Variants in CCND2 observed in about 807,000 individuals in gnomAD.
The protein encoded by CCND2 is cyclin D2, also known as G1/S-specific cyclin-D2.
In CCND2, 6 loss-of-function variants were observed where a neutral mutation model predicts 30.2. The observed-to-expected ratio is 0.20, with a 90% CI of 0.11 to 0.39. CCND2 has a LOEUF of 0.39. Among genes scored for constraint, CCND2 ranks in the 10% least tolerant of loss-of-function variants. The probability of loss-of-function intolerance (pLI) is 1.00; values close to 1 mark genes in which losing one functional copy is unlikely to be tolerated. For missense variants in CCND2, 235 were observed against 373.4 expected (o/e 0.63, Z 3.06); for synonymous variants, 150 against 153.1 (o/e 0.98, Z 0.15).
intron 4 of CCND2, among the ~76,000 whole-genome samples, chr12:4,296,865 C>T (rs10744639): frequency 0.99 from 150,771 of 152,344 alleles, 74,630 homozygotes; most frequent in Middle Eastern, 1. Flanking sequence ...TCAATTTAGA[C>T]TGTTAGGTCC....
chr12:4,294,087 G>C (rs529428250), intron 4 of CCND2, among the ~76,000 whole-genome samples: 8 of 152,206 alleles, frequency 5.3e-5, no homozygotes, highest in Admixed American at 2.0e-4. Context: ...TGCAGTGCGT[G>C]TGTGGTGACA....
rs1262048964 is a variant in CCND2 at position 4,278,828 on chromosome 12, T to G, written c.480T>G (p.Ile160Met). The change falls in exon 3 of 5, where the codon ATT (isoleucine) becomes ATG (methionine). Residue 160 changes from isoleucine (I) to methionine (M), a missense_variant. Ile to Met is a conservative substitution (Grantham distance 10). This residue lies in a region of CCND2 where 178 missense variants were observed against 322.8 expected (regional missense o/e 0.55). Transcript: ENST00000261254. ...CAGCTGTCACTCCTCATGACTTCAT[T>G]GAGCACATCTTGCGCAAGCTGCCCC... ...NLAAVTPHDF[I>M]EHILRKLPQQ... 1 of 1,614,242 alleles carries G rather than the reference T, an allele frequency of 6.2e-7. No homozygotes were observed. The highest frequency in any genetic ancestry group is 8.5e-7 in the Non-Finnish European group (1 of 1,180,042).
rs373099767 is a variant in CCND2 at position 4,288,988 on chromosome 12, G to A, written c.718G>A (p.Val240Met). 1.4e-5 allele frequency: 22 copies of A among 1,609,010 alleles called. No homozygotes were observed. Among genetic ancestry groups the A allele is most frequent in the East Asian group, 4.5e-5 (2 of 44,716 alleles). ...ELLAKITNTD[V>M]DCLKACQEQI... is the part of the protein sequence containing the mutation. ...GCTGGCTAAGATCACCAACACAGAC[G>A]TGGTAGGTGGCCACCACCTTCTTGG... The change falls in exon 4 of 5, where the codon GTG becomes ATG. Residue 240 changes from valine to methionine, a missense_variant and splice_region_variant. By Grantham distance (21) the Val-to-Met change is conservative. Coordinates refer to ENST00000261254, the MANE Select transcript of CCND2 (RefSeq NM_001759.4).
In CCND2 at chr12:4,290,512, C is replaced by A. The variant is rs1407960855; in HGVS notation, c.720+1522C>A. On this transcript the variant is annotated intron_variant, in intron 4 of 4. Coordinates refer to ENST00000261254, the MANE Select transcript of CCND2 (RefSeq NM_001759.4). ...GCTGCCTTACAAATAGGACTCTCAG[C>A]CAGTTTAAGACAAGCCCTTCCTCAA... Among the ~76,000 whole-genome samples, 3 of 152,184 alleles carry A rather than the reference C, an allele frequency of 2.0e-5. No individual in the cohort carries two copies. The East Asian group carries it at 5.8e-4, about 29-fold the overall frequency.
In CCND2 at chr12:4,300,109, A is replaced by G; in HGVS notation, c.*100A>G. On this transcript the variant is annotated 3_prime_UTR_variant, in exon 5 of 5. Coordinates refer to ENST00000261254, the MANE Select transcript of CCND2 (RefSeq NM_001759.4). ...TTGTGTTTTAGGGTGAAACTTAAAA[A>G]AAAAATTCTGCCCCCACCTAGATCA... 4 of 1,262,260 alleles carry G rather than the reference A, an allele frequency of 3.2e-6. No individual in the cohort carries two copies. Among genetic ancestry groups the G allele is most frequent in the Non-Finnish European group, 4.3e-6 (4 of 940,246 alleles). The allele number at this position is 1,262,260 out of a possible 1,614,324, so 78.2% of individuals were successfully genotyped here.
Position 4,299,804 on chromosome 12 carries a change from G to A in CCND2, c.721-56G>A. The A allele has an allele frequency of 6.6e-7, 1 of 1,514,082 alleles. No homozygotes were observed. The highest frequency in any genetic ancestry group is 9.0e-7 in the Non-Finnish European group (1 of 1,106,970). 93.8% of individuals were successfully genotyped at this position (1,514,082 alleles called of 1,614,324 possible). On this transcript the variant is annotated intron_variant, in intron 4 of 4. Transcript: ENST00000261254. The surrounding 1 kb of genome is among the most constrained non-coding windows in gnomAD (Gnocchi z 5.2). ...TAAATTACGCATGTTTTCTCCGTAG[G>A]ATGCTCTATGTCCTGTTCCTCTTAC...
chr12:4,276,274 C>G lies in CCND2; in HGVS notation c.411+54C>G. ...TTCTGCGATTCCCGCTTTCCCCTGG[C>G]CAACAATATGCCTTCTATCACCACT... On this transcript the variant is annotated intron_variant, in intron 2 of 4. Coordinates refer to ENST00000261254, the MANE Select transcript of CCND2 (RefSeq NM_001759.4). The surrounding 1 kb of genome is among the most constrained non-coding windows in gnomAD (Gnocchi z 4.8). 6.8e-7 allele frequency: 1 copy of G among 1,475,146 alleles called. No homozygotes were observed. Among genetic ancestry groups the G allele is most frequent in the East Asian group, 2.3e-5 (1 of 42,794 alleles). 91.4% of individuals were successfully genotyped at this position (1,475,146 alleles called of 1,614,324 possible). A position where few individuals can be genotyped will look rare whatever the true frequency, so the allele number is the denominator to read the frequency against.
rs1019493609 is a variant in CCND2 at position 4,303,496 on chromosome 12, A to G, written c.*3487A>G. The G allele has an allele frequency of 1.3e-4, 31 of 233,294 alleles. No individual in the cohort carries two copies. The highest frequency in any genetic ancestry group is 2.2e-4 in the Non-Finnish European group (26 of 118,030). The allele number at this position is 233,294 out of a possible 1,614,324, so 14.5% of individuals were successfully genotyped here. On this transcript the variant is annotated 3_prime_UTR_variant, in exon 5 of 5. Transcript: ENST00000261254. This position sits in a 1 kb window ranked among gnomAD's most constrained non-coding sequence, Gnocchi z 4.6. ...TCTTTTTCTACCTTGTTGTGTTTCT[A>G]TCTCGTCTTTACTTCCATCTGTTTG...
chr12:4,292,731 A>C (rs1010649413), intron 4 of CCND2, among the ~76,000 whole-genome samples: 2 of 152,180 alleles, frequency 1.3e-5, no homozygotes, highest in African/African-American at 4.8e-5. Context: ...AAGAGTTGCT[A>C]AAAACAGCCA....
At chr12:4,297,293 C>T (rs1009013625) in intron 4 of CCND2, among the ~76,000 whole-genome samples, 1 of 152,032 alleles carries the variant, frequency 6.6e-6, no homozygotes, top group Non-Finnish European at 1.5e-5. Context: ...ACTTTCAGGC[C>T]GGGCTCAGTG....
rs1211080900 is a variant in CCND2 at position 4,274,053 on chromosome 12, T to C, written c.13T>C (p.Cys5Arg). Residue 5 changes from cysteine (C) to arginine (R), a missense_variant, in exon 1 of 5, where the codon TGC (cysteine) becomes CGC (arginine). Coordinates refer to ENST00000261254, the MANE Select transcript of CCND2 (RefSeq NM_001759.4). This position sits in a 1 kb window ranked among gnomAD's most constrained non-coding sequence, Gnocchi z 7.7. The stretch of plus-strand genomic sequence containing the variant: ...CGCCGGGCTGGCCATGGAGCTGCTG[T>C]GCCACGAGGTGGACCCGGTCCGCAG... MELL[C>R]HEVDPVRRAV... The C allele has an allele frequency of 6.2e-7, 1 of 1,611,840 alleles. No homozygotes were observed. The highest frequency in any genetic ancestry group is 2.2e-5 in the East Asian group (1 of 44,836).
In CCND2 at chr12:4,285,227, G is replaced by A. The variant is rs3217838; in HGVS notation, c.572-3615G>A. 3.3e-4 allele frequency: 308 copies of A among 938,080 alleles called. 1 individual carries two copies. The Admixed American group carries it at 0.011, about 34-fold the overall frequency. 58.1% of individuals were successfully genotyped at this position (938,080 alleles called of 1,614,324 possible). ...AGGGAGGAGCACATTGTCATGAGTCGATCAGAATGGATCGCTGATCGGTTC... is the reference window on the plus strand; with the variant it reads ...AGGGAGGAGCACATTGTCATGAGTCAATCAGAATGGATCGCTGATCGGTTC... On this transcript the variant is annotated intron_variant, in intron 3 of 4. Coordinates refer to ENST00000261254, the MANE Select transcript of CCND2 (RefSeq NM_001759.4). The surrounding 1 kb of genome is among the most constrained non-coding windows in gnomAD (Gnocchi z 4.1).
In CCND2 at chr12:4,274,583, AAG is replaced by A. The variant is rs1223548225; in HGVS notation, c.195+353_195+354del. On this transcript the variant is annotated intron_variant, in intron 1 of 4. Coordinates refer to ENST00000261254, the MANE Select transcript of CCND2 (RefSeq NM_001759.4). The surrounding 1 kb of genome is among the most constrained non-coding windows in gnomAD (Gnocchi z 7.7). The stretch of plus-strand genomic sequence containing the variant: ...CGCGGCTGCTTGCGCTGCGGCCAGG[AAG>A]AGAGTCGGGGCCTGAAATCGGGACC... Among the ~76,000 whole-genome samples the A allele has an allele frequency of 2.6e-5, 4 of 151,822 alleles. No individual in the cohort carries two copies. In the East Asian group the frequency reaches 5.8e-4, roughly 22 times the overall value.
At chr12:4,294,748 A>G (rs3217894) in intron 4 of CCND2, among the ~76,000 whole-genome samples, 16 of 152,150 alleles carry the variant, frequency 1.1e-4, no homozygotes, top group African/African-American at 3.6e-4. Flanking sequence ...GCATTTGGCT[A>G]TTTGATTTCC....
intron 3 of CCND2, among the ~76,000 whole-genome samples, chr12:4,279,591 C>T (rs1863920462): frequency 6.6e-6 from 1 of 151,744 alleles, no homozygotes; most frequent in Non-Finnish European, 1.5e-5. Flanking sequence ...TGCAATTCCG[C>T]CTACCACGTG....
In CCND2 at chr12:4,276,943, A is replaced by G. The variant is rs1040824157; in HGVS notation, c.411+723A>G. Among the ~76,000 whole-genome samples, 13 of 152,234 alleles carry G rather than the reference A, an allele frequency of 8.5e-5. No individual in the cohort carries two copies. Among genetic ancestry groups the G allele is most frequent in the Admixed American group, 1.3e-4 (2 of 15,284 alleles). ...CTGTACCGCATGGAATAGCGGCTCC[A>G]AGGCCCACCTTCGGTGGTTTGCACA... On this transcript the variant is annotated intron_variant, in intron 2 of 4. Transcript: ENST00000261254. The surrounding 1 kb of genome is among the most constrained non-coding windows in gnomAD (Gnocchi z 4.8).
intron 4 of CCND2, among the ~76,000 whole-genome samples, chr12:4,298,924 T>G (rs746814861): frequency 1.4e-4 from 22 of 152,226 alleles, no homozygotes; most frequent in Non-Finnish European, 2.5e-4. Context: ...CAATATAGAC[T>G]GATACTAAAG....
intron 4 of CCND2, among the ~76,000 whole-genome samples, chr12:4,295,041 C>A (rs1864149455): frequency 6.6e-6 from 1 of 152,196 alleles, no homozygotes; most frequent in African/African-American, 2.4e-5. Context: ...CACCACTGCA[C>A]CATCTCCTCT....
intron 3 of CCND2, among the ~76,000 whole-genome samples, chr12:4,286,838 C>T (rs927345142): frequency 6.6e-6 from 1 of 152,222 alleles, no homozygotes; most frequent in Admixed American, 6.5e-5. Flanking sequence ...GTGTGCTTCC[C>T]GGTCTGAGGC....
Sources: gnomAD v4.1 joint callset for allele counts (sites outside exome capture counted in the v4.1 genomes callset) on GRCh38, gnomAD v4.1.1 for gene constraint, gnomAD v4.1.1 regional missense constraint, Gnocchi (gnomAD v3.1) non-coding constraint, MANE v1.5 for transcripts, NCBI Gene and HGNC (gene_info 2026-07-23, HGNC 2026-07-21) for gene names.